The following NELL1 variants were observed in gnomAD, a reference collection of about 807,000 sequenced individuals.
NELL1 encodes the protein neural EGFL like 1, also known as protein kinase C-binding protein NELL1.
In NELL1, 76 loss-of-function variants were observed where a neutral mutation model predicts 107.4. That is an observed-to-expected ratio of 0.71 (90% CI 0.59 to 0.86). The LOEUF is 0.86. Ranked by LOEUF, NELL1 falls within the 40% of genes least tolerant of loss-of-function variation. NELL1 has a pLI of 0.00. For missense variants in NELL1, 1,024 were observed against 1,005.5 expected (o/e 1.02, Z -0.25); for synonymous variants, 353 against 341.2 (o/e 1.03, Z -0.38).
chr11:20,937,914 G>A, intron 10 of NELL1, 55 bp downstream of exon 10: 1 of 1,546,970 alleles, frequency 6.5e-7, no homozygotes, highest in Non-Finnish European at 8.9e-7. Context: ...AGATAGATGT[G>A]TGGGCTTTAG....
chr11:21,477,634 G>A (rs1054555358), intron 15 of NELL1, among the ~76,000 whole-genome samples: 1 of 151,896 alleles, frequency 6.6e-6, no homozygotes, highest in African/African-American at 2.4e-5. Context: ...ACCTAACTCT[G>A]CCCAAAAACA....
intron 2 of NELL1, among the ~76,000 whole-genome samples, chr11:20,707,773 G>A (rs139319876): frequency 3.7e-4 from 56 of 152,048 alleles, no homozygotes; most frequent in African/African-American, 1.2e-3. Context: ...GGTGTCAGTC[G>A]GTTAGGCTAC....
chr11:20,859,451 G>A (rs1848938768), intron 4 of NELL1, among the ~76,000 whole-genome samples: 1 of 152,132 alleles, frequency 6.6e-6, no homozygotes, highest in African/African-American at 2.4e-5. Flanking sequence ...TGTGGGTCTC[G>A]ATGCTGATGT....
chr11:21,409,149 C>T (rs1431678782), intron 15 of NELL1, among the ~76,000 whole-genome samples: 1 of 152,024 alleles, frequency 6.6e-6, no homozygotes, highest in African/African-American at 2.4e-5. Context: ...TATTGCGGCA[C>T]TATTATCAAT....
At chr11:20,741,556 C>G (rs1026600366) in intron 2 of NELL1, among the ~76,000 whole-genome samples, 3 of 152,116 alleles carry the variant, frequency 2.0e-5, no homozygotes, top group Admixed American at 2.0e-4. Flanking sequence ...CCCTGTCAAG[C>G]CACCAAGAAC....
At chr11:20,907,980 T>C (rs1850041329) in intron 5 of NELL1, among the ~76,000 whole-genome samples, 1 of 152,078 alleles carries the variant, frequency 6.6e-6, no homozygotes, top group Non-Finnish European at 1.5e-5. Flanking sequence ...ATCAGAGAAA[T>C]GCAAATCAAA....
rs1565160446 is a variant in NELL1, at chr11:21,309,286, A to ATATATATGTATATATATATATG, written c.1550-61560_1550-61559insGTATATATATATATGTATATAT. ...TATATATATATATATATATGTATAT[A>ATATATATGTATATATATATATG]TATATATATATATGTATATATATAT... On this transcript the variant is annotated intron_variant, in intron 14 of 19. Coordinates refer to ENST00000357134, the MANE Select transcript of NELL1 (RefSeq NM_006157.5). Among the ~76,000 whole-genome samples, 18 of 109,188 alleles carry ATATATATGTATATATATATATG rather than the reference A, an allele frequency of 1.6e-4. 1 individual carries two copies. The highest frequency in any genetic ancestry group is 7.5e-4 in the African/African-American group (17 of 22,584). 71.6% of individuals were successfully genotyped at this position (109,188 alleles called of 152,430 possible).
chr11:21,215,265 GCTT>G (rs1263785500), intron 13 of NELL1, among the ~76,000 whole-genome samples: 1 of 152,084 alleles, frequency 6.6e-6, no homozygotes, highest in Non-Finnish European at 1.5e-5. Flanking sequence ...GGACATGTTT[GCTT>G]CTTCTTCTGC....
chr11:20,693,849 G>T lies in NELL1; in HGVS notation c.184+15789G>T, dbSNP rs964566090. On this transcript the variant is annotated intron_variant, in intron 2 of 19. Transcript: ENST00000357134. ...TGTTGGCCTGCCTTGCTAGATTGGGGAAGTTCTCTTGGATAGTATCCTGCA... is the reference window on the plus strand; with the variant it reads ...TGTTGGCCTGCCTTGCTAGATTGGGTAAGTTCTCTTGGATAGTATCCTGCA... Among the ~76,000 whole-genome samples, 14 of 152,182 alleles carry T rather than the reference G, an allele frequency of 9.2e-5. 1 individual carries two copies. The highest frequency in any genetic ancestry group is 3.9e-4 in the Admixed American group (6 of 15,266).
chr11:21,433,633 A>G (rs1318946995), intron 15 of NELL1, among the ~76,000 whole-genome samples: 1 of 151,892 alleles, frequency 6.6e-6, no homozygotes, highest in Non-Finnish European at 1.5e-5. Context: ...ATGATTAGTG[A>G]TGTTGAGCAT....
chr11:21,001,735 C>G (rs560248565), intron 12 of NELL1, among the ~76,000 whole-genome samples: 40 of 148,440 alleles, frequency 2.7e-4, no homozygotes, highest in African/African-American at 9.2e-4. Context: ...CAACGGGGAG[C>G]TCCCACATTG....
chr11:21,533,766 C>T (rs1371256263), intron 15 of NELL1, among the ~76,000 whole-genome samples: 2 of 152,078 alleles, frequency 1.3e-5, no homozygotes, highest in South Asian at 2.1e-4. Context: ...AACGATAGTT[C>T]CCAAACTGTG....
At chr11:21,340,153 GC>G (rs1357747601) in intron 14 of NELL1, among the ~76,000 whole-genome samples, 1 of 151,934 alleles carries the variant, frequency 6.6e-6, no homozygotes, top group Non-Finnish European at 1.5e-5. Flanking sequence ...TTTTGTTTTT[GC>G]TTTTGTTTTT....
At chr11:20,829,420 G>GT (rs936986856) in intron 3 of NELL1, among the ~76,000 whole-genome samples, 1 of 151,772 alleles carries the variant, frequency 6.6e-6, no homozygotes, top group African/African-American at 2.4e-5. Context: ...TAGAGAAGAG[G>GT]TTTCACTATC....
At chr11:21,309,290 ATATATATATG>A (rs200801638) in intron 14 of NELL1, among the ~76,000 whole-genome samples, 26,738 of 123,200 alleles carry the variant, frequency 0.22, 3,645 homozygotes, top group Non-Finnish European at 0.29. Flanking sequence ...GTATATATAT[ATATATATATG>A]TATATATATA....
intron 15 of NELL1, among the ~76,000 whole-genome samples, chr11:21,489,553 T>C (rs965566472): frequency 6.6e-6 from 1 of 151,816 alleles, no homozygotes; most frequent in Non-Finnish European, 1.5e-5. Flanking sequence ...CACAGAATAA[T>C]ACTAGCAAGC....
chr11:21,204,551 A>G (rs1439449196), intron 13 of NELL1, among the ~76,000 whole-genome samples: 2 of 151,962 alleles, frequency 1.3e-5, no homozygotes, highest in Non-Finnish European at 2.9e-5. Flanking sequence ...GCATTGGGGT[A>G]GAACATGCTC....
chr11:20,764,603 C>G (rs1564899169), intron 2 of NELL1, among the ~76,000 whole-genome samples: 1 of 146,360 alleles, frequency 6.8e-6, no homozygotes, highest in Non-Finnish European at 1.5e-5. Context: ...CTGGCCTACA[C>G]CCCAGACCTT....
chr11:21,519,544 T>TG (rs1855665390), intron 15 of NELL1, among the ~76,000 whole-genome samples: 1 of 63,394 alleles, frequency 1.6e-5, no homozygotes, highest in Admixed American at 2.0e-4. Flanking sequence ...TTTTGTTTTT[T>TG]GTTTTTTTTT....
Sources: gnomAD v4.1 joint callset for allele counts (sites outside exome capture counted in the v4.1 genomes callset) on GRCh38, gnomAD v4.1.1 for gene constraint, MANE v1.5 for transcripts, NCBI Gene and HGNC (gene_info 2026-07-23, HGNC 2026-07-21) for gene names.